TRIM55: variants seen among roughly 807,000 people sequenced by gnomAD.
TRIM55 encodes the protein tripartite motif-containing protein 55.
In TRIM55, 50 loss-of-function variants were observed where a neutral mutation model predicts 60.9. The observed-to-expected ratio is 0.82, with a 90% CI of 0.65 to 1.04. TRIM55 has a LOEUF of 1.04. Among genes scored for constraint, TRIM55 ranks in the 50% least tolerant of loss-of-function variants. TRIM55 has a pLI of 0.00. For synonymous variants in TRIM55, 237 were observed against 238.1 expected, an observed-to-expected ratio of 1.00 and a Z score of 0.04; for missense variants, 681 against 666.9, an observed-to-expected ratio of 1.02 and a Z score of -0.23.
intron 4 of TRIM55, among the ~76,000 whole-genome samples, chr8:66,142,101 A>C (rs1454813337): frequency 1.3e-5 from 2 of 152,250 alleles, no homozygotes; most frequent in African/African-American, 4.8e-5. Context: ...CCTTCTTCAC[A>C]GCATTGTCAT....
Position 66,158,141 on chromosome 8 carries a change from C to CCACACACA in TRIM55, c.1524+3861_1524+3868dup, listed in dbSNP as rs35285600. Among the ~76,000 whole-genome samples the CCACACACA allele has an allele frequency of 2.2e-3, 256 of 114,870 alleles. 3 individuals are homozygous for CCACACACA. The highest frequency in any genetic ancestry group is 4.1e-3 in the Middle Eastern group (1 of 242). The allele number at this position is 114,870 out of a possible 152,430, so 75.4% of individuals were successfully genotyped here. A position where few individuals can be genotyped will look rare whatever the true frequency, so the allele number is the denominator to read the frequency against. On this transcript the variant is annotated intron_variant, in intron 9 of 9. Coordinates refer to ENST00000315962, the MANE Select transcript of TRIM55 (RefSeq NM_184085.2). Reference sequence around the variant, plus strand: ...GCCTCAGGGTAAGAGGATCTCCCCACCACACACACACACACACACACACAC... The same window carrying CCACACACA: ...GCCTCAGGGTAAGAGGATCTCCCCACCACACACACACACACACACACACACACACACAC...
At chr8:66,155,708 TG>T (rs763054484) in intron 9 of TRIM55, 5 of 1,599,544 alleles carry the variant, frequency 3.1e-6, no homozygotes, top group Non-Finnish European at 4.3e-6. Flanking sequence ...TTTACTTTAA[TG>T]GGTAGGAAAT....
chr8:66,144,228 G>C (rs1809982365), intron 4 of TRIM55, among the ~76,000 whole-genome samples: 2 of 152,042 alleles, frequency 1.3e-5, no homozygotes, highest in Non-Finnish European at 2.9e-5. Flanking sequence ...TTTACATCCA[G>C]AAATGTTGGC....
chr8:66,127,539 T>C, intron 1 of TRIM55, 103 bp downstream of exon 1: 2 of 1,423,428 alleles, frequency 1.4e-6, no homozygotes, highest in African/African-American at 1.4e-5. Context: ...AAAAACTTTA[T>C]AAGGTTGCCG....
chr8:66,163,515 T>A (rs895671495), intron 9 of TRIM55, among the ~76,000 whole-genome samples: 1 of 152,226 alleles, frequency 6.6e-6, no homozygotes. Flanking sequence ...TACTTTGTAG[T>A]TTCTTCTTTG....
intron 2 of TRIM55, among the ~76,000 whole-genome samples, chr8:66,129,671 C>T (rs1477012072): frequency 6.6e-6 from 1 of 152,160 alleles, no homozygotes; most frequent in Non-Finnish European, 1.5e-5. Flanking sequence ...CAGATTTGAT[C>T]TCATTGTATT....
chr8:66,155,834 A>G (rs540113134), intron 9 of TRIM55: 7 of 702,764 alleles, frequency 1.0e-5, no homozygotes, highest in Non-Finnish European at 1.7e-5. Context: ...CCAAAAGAAC[A>G]TTGTTCTCAG....
chr8:66,131,638 TA>T (rs1452189191), intron 2 of TRIM55, among the ~76,000 whole-genome samples: 4 of 152,184 alleles, frequency 2.6e-5, no homozygotes, highest in African/African-American at 9.7e-5. Flanking sequence ...AGTAATCTCT[TA>T]AAACATGCAC....
At chr8:66,159,806 C>A (rs144419237) in intron 9 of TRIM55, among the ~76,000 whole-genome samples, 1 of 152,086 alleles carries the variant, frequency 6.6e-6, no homozygotes, top group Non-Finnish European at 1.5e-5. Context: ...TGGTTAGCAC[C>A]TTTTCTTGTG....
chr8:66,114,187 G>A, the TRIM55 span, among the ~76,000 whole-genome samples: 5 of 150,708 alleles, frequency 3.3e-5, no homozygotes, highest in Non-Finnish European at 5.9e-5. Context: ...GTGCCCAGCC[G>A]TGGGGGATTA....
intron 9 of TRIM55, among the ~76,000 whole-genome samples, chr8:66,169,849 A>G (rs1369693787): frequency 6.6e-6 from 1 of 152,170 alleles, no homozygotes; most frequent in Non-Finnish European, 1.5e-5. Context: ...GCTTTGTCCA[A>G]AGAACCTGCA....
chr8:66,114,993 C>T, the TRIM55 span: 1 of 163,002 alleles, frequency 6.1e-6, no homozygotes, highest in East Asian at 1.8e-4. Flanking sequence ...AAACACACAT[C>T]CACACACTCA....
At chr8:66,143,902 T>C (rs1214894346) in intron 4 of TRIM55, among the ~76,000 whole-genome samples, 5 of 152,150 alleles carry the variant, frequency 3.3e-5, no homozygotes. Flanking sequence ...AGAGTGATAA[T>C]TACCTGAGAG....
Position 66,131,263 on chromosome 8 carries a change from T to C in TRIM55, c.341+2787T>C, listed in dbSNP as rs548818043. On this transcript the variant is annotated intron_variant, in intron 2 of 9. Coordinates refer to ENST00000315962, the MANE Select transcript of TRIM55 (RefSeq NM_184085.2). ...CTTAAAGTAATCAACATACACAACT[T>C]TTAGAATTCATTACTACTGGGCCTC... 3.3e-5 allele frequency among the ~76,000 whole-genome samples: 5 copies of C among 152,242 alleles called. No homozygotes were observed. In the South Asian group the frequency reaches 1.0e-3, roughly 32 times the overall value.
intron 9 of TRIM55, among the ~76,000 whole-genome samples, chr8:66,162,904 T>C (rs1323996907): frequency 1.3e-5 from 2 of 152,170 alleles, no homozygotes; most frequent in East Asian, 3.8e-4. Context: ...ATTTTGTTAA[T>C]ATTTGTGTAG....
At position 66,154,281 on chromosome 8, in the gene TRIM55, G is replaced by A. The variant is rs775451822; in HGVS notation, c.1471G>A (p.Glu491Lys). 1.4e-5 allele frequency: 23 copies of A among 1,614,004 alleles called. No individual in the cohort carries two copies. The highest frequency in any genetic ancestry group is 1.5e-5 in the Non-Finnish European group (18 of 1,180,024). The change falls in exon 9 of 10, where the codon GAG becomes AAG. Residue 491 changes from glutamate to lysine, a missense_variant. Coordinates refer to ENST00000315962, the MANE Select transcript of TRIM55 (RefSeq NM_184085.2). ...KAEVAAAAAS[E>K]RAAVSGKETS... Reference sequence around the variant, plus strand: ...AGAAGTGGCAGCAGCCGCAGCGAGTGAGAGGGCAGCTGTGAGTGGTAAGGA... The same window carrying A: ...AGAAGTGGCAGCAGCCGCAGCGAGTAAGAGGGCAGCTGTGAGTGGTAAGGA...
At chr8:66,127,487 C>T (rs756933572) in intron 1 of TRIM55, 51 bp downstream of exon 1, 3 of 1,590,090 alleles carry the variant, frequency 1.9e-6, no homozygotes, top group African/African-American at 2.7e-5. Flanking sequence ...AAGATTCCCT[C>T]CTCTTGGAAT....
intron 2 of TRIM55, among the ~76,000 whole-genome samples, chr8:66,132,490 A>G (rs1809219682): frequency 6.6e-6 from 1 of 152,170 alleles, no homozygotes; most frequent in African/African-American, 2.4e-5. Flanking sequence ...TTACTACTTC[A>G]ATTGCCTCAC....
chr8:66,113,518 T>G, the TRIM55 span: 1 of 456,110 alleles, frequency 2.2e-6, no homozygotes, highest in African/African-American at 2.0e-5. Context: ...CTTGGGTGCC[T>G]TCAGTGACAC....
Sources: allele counts gnomAD v4.1 joint callset (sites outside exome capture counted in the v4.1 genomes callset), GRCh38; gene constraint gnomAD v4.1.1; transcripts MANE v1.5; gene names NCBI Gene and HGNC (gene_info 2026-07-23, HGNC 2026-07-21).